Variants in CATSPERB observed in about 807,000 individuals in gnomAD.
CATSPERB encodes the protein catsper channel auxiliary subunit beta, also known as cation channel sperm-associated auxiliary subunit beta.
CATSPERB carries 93 observed loss-of-function variants against 128.3 expected under a neutral mutation model. The observed-to-expected ratio is 0.72, with a 90% CI of 0.61 to 0.86. The LOEUF (loss-of-function observed/expected upper bound fraction) is 0.86. CATSPERB is among the 40% of genes least tolerant of loss of function. The pLI, the probability that CATSPERB is intolerant of heterozygous loss-of-function variation, is 0.00. For missense variants in CATSPERB, 1,153 were observed against 1,329.5 expected, an observed-to-expected ratio of 0.87 and a Z score of 2.06; for synonymous variants, 381 against 448.8, an observed-to-expected ratio of 0.85 and a Z score of 1.91.
At chr14:91,587,844 T>C in intron 25 of CATSPERB, 134 bp downstream of exon 25, 2 of 655,412 alleles carry the variant, frequency 3.1e-6, no homozygotes, top group South Asian at 3.7e-5. Context: ...TCATATACTT[T>C]AAAGGTATAT....
intron 14 of CATSPERB, among the ~76,000 whole-genome samples, chr14:91,667,832 G>C (rs1895014291): frequency 6.6e-6 from 1 of 152,144 alleles, no homozygotes; most frequent in South Asian, 2.1e-4. Context: ...TCTGGAGTTG[G>C]GCAACATGAC....
At chr14:91,613,986 GT>G (rs367940112) in intron 20 of CATSPERB, among the ~76,000 whole-genome samples, 383 of 152,242 alleles carry the variant, frequency 2.5e-3, no homozygotes, top group African/African-American at 9.0e-3. Flanking sequence ...CATGAAGAAG[GT>G]TTCACTAACG....
chr14:91,624,609 C>CGG (rs1894118774), intron 18 of CATSPERB, among the ~76,000 whole-genome samples: 3 of 151,666 alleles, frequency 2.0e-5, no homozygotes, highest in Non-Finnish European at 4.4e-5. Context: ...TCACTACACT[C>CGG]CAGCCTGGGC....
chr14:91,620,575 C>G (rs562990158), intron 19 of CATSPERB, among the ~76,000 whole-genome samples: 7 of 151,872 alleles, frequency 4.6e-5, no homozygotes. Flanking sequence ...TGTGCTATTT[C>G]GCTAGCATCT....
intron 9 of CATSPERB, among the ~76,000 whole-genome samples, chr14:91,692,175 CAAAAAA>C (rs748422210): frequency 3.6e-5 from 2 of 55,512 alleles, no homozygotes; most frequent in Non-Finnish European, 7.4e-5. Context: ...GACTCAGTCT[CAAAAAA>C]AAAAAAAAAA....
Position 91,708,184 on chromosome 14 carries a change from T to G in CATSPERB, c.423A>C (p.Leu141=). The G allele has an allele frequency of 1.9e-6, 3 of 1,612,188 alleles. No individual in the cohort carries two copies. Among genetic ancestry groups the G allele is most frequent in the Non-Finnish European group, 2.5e-6 (3 of 1,178,902 alleles). The change falls in exon 6 of 27, where the codon CTA becomes CTC. Residue 141 remains leucine (L), a synonymous_variant. Coordinates refer to ENST00000256343, the MANE Select transcript of CATSPERB (RefSeq NM_024764.4). ...GAGTTCCTTCAGTAGCATAAATATT[T>G]AGTCCATGATGTAAAGTGATTCTTA... The part of the protein sequence containing the change: ...WLVRITLHHG[L]NIYATEGTLL...
chr14:91,607,151 T>A (rs1360716896), intron 22 of CATSPERB, among the ~76,000 whole-genome samples: 3 of 150,968 alleles, frequency 2.0e-5, no homozygotes, highest in Admixed American at 2.0e-4. Flanking sequence ...TCTAAGTCTG[T>A]CACTGTTCTG....
At chr14:91,730,929 T>A (rs1661044551) in intron 1 of CATSPERB, among the ~76,000 whole-genome samples, 1 of 152,192 alleles carries the variant, frequency 6.6e-6, no homozygotes, top group African/African-American at 2.4e-5. Flanking sequence ...AACAACTTGT[T>A]TTCACAAGGT....
rs565586380 is a variant in CATSPERB, at chr14:91,587,004, A to G, written c.3132+198T>C. ...TATTATTAAAATTCTGGCAGCATCA[A>G]TCAGTCCTGGCACCCATGATGCACC... is the stretch of plus-strand genomic sequence containing the variant. On this transcript the variant is annotated intron_variant, in intron 26 of 26. Transcript: ENST00000256343. 4.6e-5 allele frequency among the ~76,000 whole-genome samples: 7 copies of G among 152,304 alleles called. No individual in the cohort carries two copies. The South Asian group carries it at 8.3e-4, about 18-fold the overall frequency.
At chr14:91,676,846 T>C (rs1291089736) in intron 11 of CATSPERB, among the ~76,000 whole-genome samples, 1 of 151,986 alleles carries the variant, frequency 6.6e-6, no homozygotes, top group Non-Finnish European at 1.5e-5. Flanking sequence ...CAGTAACCAA[T>C]ACAGCATGGT....
chr14:91,624,926 C>A lies in CATSPERB; in HGVS notation c.1824G>T (p.Met608Ile). 2 of 1,613,212 alleles carry A rather than the reference C, an allele frequency of 1.2e-6. No individual in the cohort carries two copies. The highest frequency in any genetic ancestry group is 1.7e-6 in the Non-Finnish European group (2 of 1,179,656). ...KGFLSSVIAE[M>I]KEPFGLEEVN... is the part of the protein sequence containing the mutation. ...CTTCTTCTAATCCAAAGGGCTCTTT[C>A]ATTTCTGCAATAACTGAGGACAAAA... Residue 608 changes from methionine to isoleucine, a missense_variant, in exon 18 of 27, where the codon ATG becomes ATT. Physicochemically the swap from Met to Ile is conservative, Grantham distance 10. Coordinates refer to ENST00000256343, the MANE Select transcript of CATSPERB (RefSeq NM_024764.4).
At chr14:91,593,249 G>A (rs958820472) in intron 22 of CATSPERB, among the ~76,000 whole-genome samples, 2 of 152,236 alleles carry the variant, frequency 1.3e-5, no homozygotes, top group African/African-American at 4.8e-5. Context: ...AGTCCCTACT[G>A]GGGCACTGCC....
At position 91,608,344 on chromosome 14, in the gene CATSPERB, G is replaced by A; in HGVS notation, c.2659C>T (p.His887Tyr). Reference protein sequence around the residue: ...IAIPLTDNFYHADPSKPIPRN... With the variant: ...IAIPLTDNFYYADPSKPIPRN... ...GGTATGGGTTTGCTAGGATCTGCAT[G>A]ATAAAAATTATCTGTGAGTGGAATA... Residue 887 changes from histidine to tyrosine, a missense_variant, in exon 22 of 27, where the codon CAT becomes TAT. Transcript: ENST00000256343. 1.2e-6 allele frequency: 2 copies of A among 1,612,818 alleles called. No individual in the cohort carries two copies. Among genetic ancestry groups the A allele is most frequent in the Non-Finnish European group, 1.7e-6 (2 of 1,179,000 alleles).
At chr14:91,717,851 CCT>C (rs1895968621) in intron 5 of CATSPERB, among the ~76,000 whole-genome samples, 1 of 152,076 alleles carries the variant, frequency 6.6e-6, no homozygotes, top group Non-Finnish European at 1.5e-5. Context: ...ACATTTTTCC[CCT>C]GATTTTTAGC....
rs1895122535 is a variant in CATSPERB, at chr14:91,672,868, T to TC, written c.1126_1127insG (p.Lys376ArgfsTer16). ...TTCCCTCTGGGATATAAGGCCTACC[T>TC]TGTTATAGAAGAGGTAAACTCCAGT... On this transcript the variant is annotated frameshift_variant and splice_region_variant, in exon 13 of 27. Transcript: ENST00000256343. LOFTEE classifies it high-confidence loss of function. 1 of 1,558,538 alleles carries TC rather than the reference T, an allele frequency of 6.4e-7. No individual in the cohort carries two copies. The highest frequency in any genetic ancestry group is 8.6e-7 in the Non-Finnish European group (1 of 1,164,670).
intron 1 of CATSPERB, among the ~76,000 whole-genome samples, chr14:91,730,290 C>G (rs1239105473): frequency 1.3e-5 from 2 of 152,044 alleles, no homozygotes; most frequent in African/African-American, 4.8e-5. Flanking sequence ...AGAGGGAAGA[C>G]ATTCAGAGGG....
At chr14:91,688,631 TTAGATG>T (rs1895415102) in intron 10 of CATSPERB, among the ~76,000 whole-genome samples, 1 of 152,210 alleles carries the variant, frequency 6.6e-6, no homozygotes, top group East Asian at 1.9e-4. Context: ...GTGATGTTCC[TTAGATG>T]GTTTGAGAAG....
chr14:91,649,331 ATGTGTGTGTG>A (rs55880138), intron 15 of CATSPERB, among the ~76,000 whole-genome samples: 70,222 of 147,184 alleles, frequency 0.48, 16,825 homozygotes, highest in African/African-American at 0.5. Flanking sequence ...GTATACATAT[ATGTGTGTGTG>A]TGTGTGTGTG....
rs1225369896 is a variant in CATSPERB at position 91,607,150 on chromosome 14, G to A, written c.2709+1144C>T. On this transcript the variant is annotated intron_variant, in intron 22 of 26. Coordinates refer to ENST00000256343, the MANE Select transcript of CATSPERB (RefSeq NM_024764.4). ...CAATTTTAAAGCATTCTCTAAGTCTGTCACTGTTCTGGGCACTGGGGATAT... is the reference window on the plus strand; with the variant it reads ...CAATTTTAAAGCATTCTCTAAGTCTATCACTGTTCTGGGCACTGGGGATAT... Among the ~76,000 whole-genome samples, 3 of 149,592 alleles carry A rather than the reference G, an allele frequency of 2.0e-5. No homozygotes were observed. In the Admixed American group the frequency reaches 2.0e-4, roughly 10 times the overall value.
Sources: gnomAD v4.1 joint callset for allele counts (sites outside exome capture counted in the v4.1 genomes callset) on GRCh38, gnomAD v4.1.1 for gene constraint, MANE v1.5 for transcripts, NCBI Gene and HGNC (gene_info 2026-07-23, HGNC 2026-07-21) for gene names.